XRN1: variants seen among roughly 807,000 people sequenced by gnomAD.
The protein encoded by XRN1 is 5'-3' exoribonuclease 1.
XRN1 carries 67 observed loss-of-function variants against 222.3 expected under a neutral mutation model. The observed-to-expected ratio is 0.30, with a 90% CI of 0.25 to 0.37. XRN1 has a LOEUF of 0.37. XRN1 is among the 10% of genes least tolerant of loss of function. XRN1 has a pLI of 1.00. For missense variants in XRN1, 1,707 were observed against 2,000.2 expected (o/e 0.85, Z 2.80); for synonymous variants, 643 against 652.4 (o/e 0.99, Z 0.22).
rs1559812096 is a variant in XRN1, at chr3:142,357,127, T to C, written c.3465-8A>G. Reference sequence around the variant, plus strand: ...CCTCTACCAGGTGAGCATCTAAAAGTAAAAGTTATATCAGGGTTGGAAGGA... The same window carrying C: ...CCTCTACCAGGTGAGCATCTAAAAGCAAAAGTTATATCAGGGTTGGAAGGA... On this transcript the variant is annotated splice_region_variant and splice_polypyrimidine_tract_variant and intron_variant, in intron 30 of 40. Transcript: ENST00000392981. 6 of 1,597,370 alleles carry C rather than the reference T, an allele frequency of 3.8e-6. No individual in the cohort carries two copies. The highest frequency in any genetic ancestry group is 2.3e-5 in the East Asian group (1 of 44,320).
chr3:142,432,052 TGC>T (rs2069624575), intron 2 of XRN1, among the ~76,000 whole-genome samples: 1 of 100,664 alleles, frequency 9.9e-6, no homozygotes, highest in South Asian at 2.6e-4. Flanking sequence ...GACGGAGTTT[TGC>T]ATATATATAT....
At chr3:142,409,990 T>C (rs1031424268) in intron 15 of XRN1, among the ~76,000 whole-genome samples, 2 of 152,242 alleles carry the variant, frequency 1.3e-5, no homozygotes, top group Non-Finnish European at 2.9e-5. Context: ...GTACAGATCT[T>C]ATACTCTGTA....
intron 1 of XRN1, among the ~76,000 whole-genome samples, chr3:142,445,515 G>A (rs962276212): frequency 6.6e-6 from 1 of 152,098 alleles, no homozygotes; most frequent in Non-Finnish European, 1.5e-5. Flanking sequence ...GAGGTTCAGG[G>A]AATATAAGTT....
At chr3:142,409,904 C>A (rs1345691415) in intron 15 of XRN1, among the ~76,000 whole-genome samples, 3 of 152,094 alleles carry the variant, frequency 2.0e-5, no homozygotes, top group Non-Finnish European at 2.9e-5. Flanking sequence ...TAAGCAGAAT[C>A]TTTAAGCTTC....
chr3:142,412,992 CTTCAT>C (rs2068644828), intron 14 of XRN1, among the ~76,000 whole-genome samples: 2 of 152,070 alleles, frequency 1.3e-5, no homozygotes, highest in Admixed American at 1.3e-4. Flanking sequence ...TCTATTCAGA[CTTCAT>C]TTCAGTTCAT....
chr3:142,308,045 T>C lies in XRN1; in HGVS notation c.*3466A>G, dbSNP rs1368320457. 7.2e-6 allele frequency: 1 copy of C among 138,814 alleles called. No individual in the cohort carries two copies. Among genetic ancestry groups the C allele is most frequent in the Non-Finnish European group, 1.6e-5 (1 of 61,764 alleles). The allele number at this position is 138,814 out of a possible 1,614,324, so 8.6% of individuals were successfully genotyped here. On this transcript the variant is annotated 3_prime_UTR_variant, in exon 41 of 41. Transcript: ENST00000392981. ...CTTTAAAAAACTGTGCTCTAAATAA[T>C]GGGAAGAAGCGTGACAGAACTAACT...
At chr3:142,435,762 C>CA (rs1176485060) in intron 1 of XRN1, among the ~76,000 whole-genome samples, 4,497 of 54,622 alleles carry the variant, frequency 0.082, 53 homozygotes, top group Non-Finnish European at 0.095. Context: ...CCCCACCCCC[C>CA]AAAAAAAAAA....
chr3:142,318,452 A>T, intron 39 of XRN1, 140 bp downstream of exon 39: 3 of 771,998 alleles, frequency 3.9e-6, no homozygotes, highest in Non-Finnish European at 6.3e-6. Flanking sequence ...CTTTTAGATG[A>T]ATCTGCAGGC....
rs1178676162 is a variant in XRN1, at chr3:142,432,684, G to T, written c.285C>A (p.Asn95Lys). The change falls in exon 2 of 41, where the codon AAC becomes AAA. Residue 95 changes from asparagine to lysine, a missense_variant. By Grantham distance (94) the Asn-to-Lys change is moderately conservative. Transcript: ENST00000392981. ...VDGVAPRAKM[N>K]QQRGRRFRSA... ...ACCTAAAACGCCTCCCACGCTGCTGGTTCATTTTTGCTCGAGGAGCCACAC... is the reference window on the plus strand; with the variant it reads ...ACCTAAAACGCCTCCCACGCTGCTGTTTCATTTTTGCTCGAGGAGCCACAC... The T allele has an allele frequency of 7.5e-6, 12 of 1,607,456 alleles. No homozygotes were observed. The highest frequency in any genetic ancestry group is 1.0e-5 in the Non-Finnish European group (12 of 1,176,318).
At chr3:142,367,712 AT>A (rs2107873461) in intron 27 of XRN1, among the ~76,000 whole-genome samples, 1 of 151,812 alleles carries the variant, frequency 6.6e-6, no homozygotes. Context: ...TGCCTGTCTA[AT>A]TTTTTTATTT....
intron 8 of XRN1, among the ~76,000 whole-genome samples, 200 bp downstream of exon 8, chr3:142,422,382 G>T (rs2069072172): frequency 6.6e-6 from 1 of 152,096 alleles, no homozygotes; most frequent in Admixed American, 6.6e-5. Context: ...AATAATTGAG[G>T]TTCGTTAACT....
chr3:142,355,171 A>G (rs892841135), intron 32 of XRN1, among the ~76,000 whole-genome samples: 9 of 151,958 alleles, frequency 5.9e-5, no homozygotes, highest in African/African-American at 2.2e-4. Flanking sequence ...TGTACCCTAA[A>G]CCTCAGTGTC....
chr3:142,315,572 G>A lies in XRN1; in HGVS notation c.4622-2814C>T, dbSNP rs534992919. ...CACCCAGGCTGGAGTGTAGTGGCGC[G>A]ATTTCAGCTCACTGCAACCTCTGCC... On this transcript the variant is annotated intron_variant, in intron 39 of 40. Transcript: ENST00000392981. Among the ~76,000 whole-genome samples, 22 of 150,570 alleles carry A rather than the reference G, an allele frequency of 1.5e-4. No homozygotes were observed. In the South Asian group the frequency reaches 1.7e-3, roughly 12 times the overall value.
intron 30 of XRN1, among the ~76,000 whole-genome samples, chr3:142,359,437 T>C (rs1185774376): frequency 6.6e-6 from 1 of 152,212 alleles, no homozygotes; most frequent in African/African-American, 2.4e-5. Context: ...TATTTAACCC[T>C]AATAGCATTG....
chr3:142,374,419 C>T (rs1260172442), intron 25 of XRN1, among the ~76,000 whole-genome samples: 3 of 151,966 alleles, frequency 2.0e-5, no homozygotes, highest in African/African-American at 4.8e-5. Context: ...GTTATGTGAA[C>T]ACAGATAAGA....
chr3:142,442,254 C>T (rs1278978948), intron 1 of XRN1, among the ~76,000 whole-genome samples: 1 of 152,182 alleles, frequency 6.6e-6, no homozygotes, highest in Non-Finnish European at 1.5e-5. Context: ...TTATTATTGG[C>T]TGTACAGAAA....
At chr3:142,327,880 C>T (rs943799953) in intron 37 of XRN1, among the ~76,000 whole-genome samples, 2 of 152,114 alleles carry the variant, frequency 1.3e-5, no homozygotes, top group African/African-American at 4.8e-5. Flanking sequence ...ACTCTATATC[C>T]CTATGTACAC....
chr3:142,355,553 T>C (rs2066442172), intron 31 of XRN1, 57 bp from the exon 32 acceptor site: 4 of 1,136,888 alleles, frequency 3.5e-6, no homozygotes, highest in Non-Finnish European at 5.1e-6. Flanking sequence ...TAAAAATACA[T>C]ATTAAAAATC....
chr3:142,377,780 A>G (rs1218472594), intron 23 of XRN1, among the ~76,000 whole-genome samples: 1 of 152,188 alleles, frequency 6.6e-6, no homozygotes, highest in Non-Finnish European at 1.5e-5. Context: ...AACACTGTAC[A>G]CTATCATACA....
Sources: gnomAD v4.1 joint callset for allele counts (sites outside exome capture counted in the v4.1 genomes callset) on GRCh38, gnomAD v4.1.1 for gene constraint, MANE v1.5 for transcripts, NCBI Gene and HGNC (gene_info 2026-07-23, HGNC 2026-07-21) for gene names.